Variants in FAR2 observed in about 807,000 individuals in gnomAD.
FAR2 encodes the protein fatty acyl-CoA reductase 2.
In FAR2, 19 loss-of-function variants were observed where a neutral mutation model predicts 56.0. The ratio of observed to expected loss-of-function variants is 0.34; its 90% confidence interval spans 0.24 to 0.50. FAR2 has a LOEUF of 0.50. FAR2 is among the 20% of genes least tolerant of loss of function. The pLI, the probability that FAR2 is intolerant of heterozygous loss-of-function variation, is 0.98. For missense variants in FAR2, 508 were observed against 642.2 expected (o/e 0.79, Z 2.26); for synonymous variants, 219 against 218.8 (o/e 1.00, Z -0.01).
At chr12:29,185,217 A>AT (rs1336383577) in intron 1 of FAR2, among the ~76,000 whole-genome samples, 7 of 152,242 alleles carry the variant, frequency 4.6e-5, no homozygotes, top group African/African-American at 1.7e-4. Flanking sequence ...ATATGGTTAA[A>AT]TTTCAAATTA....
Position 29,332,658 on chromosome 12 carries a change from T to C in FAR2, c.1316T>C (p.Leu439Ser). 1 of 1,613,800 alleles carries C rather than the reference T, an allele frequency of 6.2e-7. No homozygotes were observed. The highest frequency in any genetic ancestry group is 8.5e-7 in the Non-Finnish European group (1 of 1,179,800). ...NWLEYIENYV[L>S]GVKKYLLKED... ...TTGGAATACATTGAAAATTATGTTT[T>C]GGGAGTTAAAAAATACTTATTGAAA... Residue 439 changes from leucine (L) to serine (S), a missense_variant, in exon 11 of 12, where the codon TTG (leucine) becomes TCG (serine). Transcript: ENST00000536681.
intron 1 of FAR2, among the ~76,000 whole-genome samples, chr12:29,262,213 T>G: frequency 6.6e-6 from 1 of 152,144 alleles, no homozygotes; most frequent in East Asian, 1.9e-4. Context: ...GTGTGTTTTT[T>G]TTTGTTTATG....
chr12:29,222,002 C>T (rs1947700102), intron 1 of FAR2, among the ~76,000 whole-genome samples: 1 of 152,114 alleles, frequency 6.6e-6, no homozygotes, highest in Non-Finnish European at 1.5e-5. Flanking sequence ...TGCCCACTAC[C>T]ACACCCAGCT....
At chr12:29,186,717 C>A (rs912792653) in intron 1 of FAR2, among the ~76,000 whole-genome samples, 1 of 151,770 alleles carries the variant, frequency 6.6e-6, no homozygotes, top group Non-Finnish European at 1.5e-5. Context: ...AAGTTTCTAG[C>A]CCTTCTTGTT....
chr12:29,173,156 C>G (rs1949904420), intron 1 of FAR2, among the ~76,000 whole-genome samples: 1 of 152,204 alleles, frequency 6.6e-6, no homozygotes, highest in South Asian at 2.1e-4. Flanking sequence ...CATCTGAAAA[C>G]TTCCATGGGT....
rs1435598329 is a variant in FAR2 at position 29,307,640 on chromosome 12, C to G, written c.546-18C>G. The stretch of plus-strand genomic sequence containing the variant: ...GTCTAACATATGTTACTAGAATTCT[C>G]TTTACTCTACCTTTTAGGTGGTTAG... On this transcript the variant is annotated intron_variant, in intron 4 of 11. Transcript: ENST00000536681. 11 of 1,586,092 alleles carry G rather than the reference C, an allele frequency of 6.9e-6. No homozygotes were observed. Among genetic ancestry groups the G allele is most frequent in the Non-Finnish European group, 9.4e-6 (11 of 1,169,130 alleles).
intron 10 of FAR2, among the ~76,000 whole-genome samples, chr12:29,324,042 C>T (rs1230333314): frequency 6.6e-6 from 1 of 152,082 alleles, no homozygotes; most frequent in East Asian, 1.9e-4. Context: ...CCAATGCAGA[C>T]AAGTCCTTAA....
intron 1 of FAR2, among the ~76,000 whole-genome samples, chr12:29,181,783 A>G (rs1949994244): frequency 6.6e-6 from 1 of 152,234 alleles, no homozygotes; most frequent in South Asian, 2.1e-4. Context: ...ATTTCCCCCA[A>G]TACTTGATTC....
At chr12:29,185,654 A>C (rs760985379) in intron 1 of FAR2, among the ~76,000 whole-genome samples, 8 of 152,238 alleles carry the variant, frequency 5.3e-5, no homozygotes, top group Non-Finnish European at 1.0e-4. Context: ...TCAGCAGTGG[A>C]AAGAATCTTT....
chr12:29,161,020 T>C (rs1418511834), intron 1 of FAR2, among the ~76,000 whole-genome samples: 1 of 152,172 alleles, frequency 6.6e-6, no homozygotes, highest in African/African-American at 2.4e-5. Context: ...TGCAAACCAC[T>C]TTCTGTGTAC....
intron 1 of FAR2, among the ~76,000 whole-genome samples, chr12:29,215,221 A>C (rs1947608686): frequency 6.6e-6 from 1 of 152,240 alleles, no homozygotes; most frequent in South Asian, 2.1e-4. Flanking sequence ...AAATAGATAC[A>C]TACTTCTGAG....
At chr12:29,273,117 G>C (rs1948646916) in intron 2 of FAR2, among the ~76,000 whole-genome samples, 2 of 152,162 alleles carry the variant, frequency 1.3e-5, no homozygotes, top group African/African-American at 4.8e-5. Flanking sequence ...GTCTCACCCT[G>C]TTGTGGCATT....
chr12:29,307,998 C>A, intron 5 of FAR2, 163 bp downstream of exon 5: 1 of 673,284 alleles, frequency 1.5e-6, no homozygotes. Flanking sequence ...ACTTTGGGTT[C>A]AGGATTTACC....
chr12:29,250,481 C>G (rs1948190931), intron 1 of FAR2, among the ~76,000 whole-genome samples: 1 of 152,184 alleles, frequency 6.6e-6, no homozygotes, highest in Non-Finnish European at 1.5e-5. Flanking sequence ...TCCAAGTTTT[C>G]TGGTTTCTAG....
intron 2 of FAR2, chr12:29,293,093 C>A: frequency 2.5e-6 from 1 of 396,218 alleles, no homozygotes; most frequent in Non-Finnish European, 4.5e-6. Context: ...TGTCGAACTC[C>A]TGGGCTCAAG....
chr12:29,262,058 G>A (rs1267220528), intron 1 of FAR2, among the ~76,000 whole-genome samples: 1 of 152,198 alleles, frequency 6.6e-6, no homozygotes, highest in Admixed American at 6.5e-5. Context: ...CTACACTTAA[G>A]TAGAAAGACT....
At chr12:29,162,656 T>C (rs1949792942) in intron 1 of FAR2, among the ~76,000 whole-genome samples, 1 of 152,210 alleles carries the variant, frequency 6.6e-6, no homozygotes, top group Non-Finnish European at 1.5e-5. Context: ...AAAAAATTAA[T>C]AGTGTGGAAA....
At chr12:29,287,015 C>T (rs913853353) in intron 2 of FAR2, among the ~76,000 whole-genome samples, 4 of 152,132 alleles carry the variant, frequency 2.6e-5, no homozygotes, top group Non-Finnish European at 4.4e-5. Flanking sequence ...AGTCACATAG[C>T]AAATCAATGG....
rs1393321201 is a variant in FAR2 at position 29,334,930 on chromosome 12, TAC to T, written c.*1138_*1139del. On this transcript the variant is annotated 3_prime_UTR_variant, in exon 12 of 12. Coordinates refer to ENST00000536681, the MANE Select transcript of FAR2 (RefSeq NM_001271783.2). ...GTATAATACAAACTAATGAAAACTA[TAC>T]ATATTCTCCAATTCCTATAGTAATA... The T allele has an allele frequency of 6.6e-6, 1 of 152,190 alleles. No individual in the cohort carries two copies. The highest frequency in any genetic ancestry group is 1.5e-5 in the Non-Finnish European group (1 of 68,022). The allele number at this position is 152,190 out of a possible 1,614,324, so 9.4% of individuals were successfully genotyped here. A position where few individuals can be genotyped will look rare whatever the true frequency, so the allele number is the denominator to read the frequency against.
Sources: allele counts gnomAD v4.1 joint callset (sites outside exome capture counted in the v4.1 genomes callset), GRCh38; gene constraint gnomAD v4.1.1; transcripts MANE v1.5; gene names NCBI Gene and HGNC (gene_info 2026-07-23, HGNC 2026-07-21).